HS3ST4: variants seen among roughly 807,000 people sequenced by gnomAD.
HS3ST4 encodes the protein heparan sulfate-glucosamine 3-sulfotransferase 4.
In HS3ST4, 17 loss-of-function variants were observed where a neutral mutation model predicts 29.2. The ratio of observed to expected loss-of-function variants is 0.58; its 90% confidence interval spans 0.40 to 0.87. The LOEUF (loss-of-function observed/expected upper bound fraction) is 0.87. HS3ST4 is among the 40% of genes least tolerant of loss of function. The pLI is 0.00. For synonymous variants in HS3ST4, 314 were observed against 285.7 expected, an observed-to-expected ratio of 1.10 and a Z score of -1.00; for missense variants, 627 against 634.5, an observed-to-expected ratio of 0.99 and a Z score of 0.13.
chr16:25,919,938 A>G (rs778436439), intron 1 of HS3ST4, among the ~76,000 whole-genome samples: 2 of 151,748 alleles, frequency 1.3e-5, no homozygotes, highest in East Asian at 1.9e-4. Flanking sequence ...ACAGGGGGCC[A>G]GAGAAAAACA....
At chr16:25,817,946 A>C (rs1259786427) in intron 1 of HS3ST4, among the ~76,000 whole-genome samples, 1 of 152,192 alleles carries the variant, frequency 6.6e-6, no homozygotes, top group Non-Finnish European at 1.5e-5. Context: ...GGAAGGCAGG[A>C]ATTAGTGTGT....
At chr16:25,875,705 G>C (rs1967823940) in intron 1 of HS3ST4, among the ~76,000 whole-genome samples, 1 of 152,074 alleles carries the variant, frequency 6.6e-6, no homozygotes, top group Non-Finnish European at 1.5e-5. Context: ...GTCCAGAAGT[G>C]GGAATTTCCA....
intron 1 of HS3ST4, among the ~76,000 whole-genome samples, chr16:25,886,286 G>A (rs1967951372): frequency 6.6e-6 from 1 of 152,074 alleles, no homozygotes; most frequent in South Asian, 2.1e-4. Context: ...GCCTGCCTCG[G>A]CCTCCCAAAG....
chr16:25,958,329 G>C (rs1204910160), intron 1 of HS3ST4, among the ~76,000 whole-genome samples: 1 of 152,028 alleles, frequency 6.6e-6, no homozygotes, highest in Non-Finnish European at 1.5e-5. Context: ...AAGTTAGGAA[G>C]ACTTTTTTCT....
intron 1 of HS3ST4, among the ~76,000 whole-genome samples, chr16:25,756,011 A>C (rs1308791021): frequency 6.6e-6 from 1 of 152,138 alleles, no homozygotes; most frequent in East Asian, 1.9e-4. Context: ...TAAAAGAGAA[A>C]CTACATTTTT....
At chr16:25,873,324 T>TCCA (rs1390499399) in intron 1 of HS3ST4, among the ~76,000 whole-genome samples, 2,803 of 50,114 alleles carry the variant, frequency 0.056, 31 homozygotes, top group Middle Eastern at 0.095. Context: ...CCATCCATCC[T>TCCA]TCCTTCCTTC....
chr16:25,855,177 A>T (rs1596591946), intron 1 of HS3ST4, among the ~76,000 whole-genome samples: 1 of 152,198 alleles, frequency 6.6e-6, no homozygotes, highest in South Asian at 2.1e-4. Context: ...GTTGGTTGAA[A>T]GAGTTAAGCT....
intron 1 of HS3ST4, among the ~76,000 whole-genome samples, chr16:25,873,918 C>T (rs916672486): frequency 6.6e-6 from 1 of 152,140 alleles, no homozygotes; most frequent in African/African-American, 2.4e-5. Context: ...TCTTTAAAAG[C>T]CAGGTTTGAC....
intron 1 of HS3ST4, among the ~76,000 whole-genome samples, chr16:25,818,915 A>G (rs545685608): frequency 5.3e-5 from 8 of 152,284 alleles, no homozygotes; most frequent in Non-Finnish European, 4.4e-5. Flanking sequence ...GCTAGAGCTC[A>G]AACTGTGAAA....
At chr16:26,048,845 A>G (rs545422087) in intron 1 of HS3ST4, among the ~76,000 whole-genome samples, 8 of 152,220 alleles carry the variant, frequency 5.3e-5, no homozygotes, top group East Asian at 1.9e-4. Flanking sequence ...AAGTAAAAAA[A>G]TAACATTGAA....
chr16:25,890,760 T>C (rs1404645976), intron 1 of HS3ST4, among the ~76,000 whole-genome samples: 4 of 152,230 alleles, frequency 2.6e-5, no homozygotes, highest in African/African-American at 9.6e-5. Flanking sequence ...ATAGGGTCAA[T>C]ATTGTTAAAT....
At chr16:25,974,481 T>C (rs1408705851) in intron 1 of HS3ST4, among the ~76,000 whole-genome samples, 1 of 152,134 alleles carries the variant, frequency 6.6e-6, no homozygotes. Context: ...AAAGAGGTCC[T>C]TTAATCTGGA....
intron 1 of HS3ST4, among the ~76,000 whole-genome samples, chr16:25,799,744 T>A (rs145776600): frequency 4.5e-4 from 69 of 152,280 alleles, no homozygotes; most frequent in African/African-American, 1.6e-3. Flanking sequence ...AAGTGAATTA[T>A]TTTTTATAAA....
At chr16:25,994,474 T>A (rs1567289687) in intron 1 of HS3ST4, among the ~76,000 whole-genome samples, 1 of 152,208 alleles carries the variant, frequency 6.6e-6, no homozygotes, top group Non-Finnish European at 1.5e-5. Context: ...ATACTGTTTA[T>A]TTATGAGTCA....
intron 1 of HS3ST4, among the ~76,000 whole-genome samples, chr16:26,112,266 GT>G (rs1899142336): frequency 6.6e-6 from 1 of 151,556 alleles, no homozygotes; most frequent in African/African-American, 2.4e-5. Flanking sequence ...GTGTGTGTGT[GT>G]GTGTGTGTGG....
At chr16:25,708,510 C>T (rs1966391563) in intron 1 of HS3ST4, among the ~76,000 whole-genome samples, 1 of 152,064 alleles carries the variant, frequency 6.6e-6, no homozygotes, top group African/African-American at 2.4e-5. Flanking sequence ...ATTCTTATGA[C>T]TATCTAAATA....
intron 1 of HS3ST4, among the ~76,000 whole-genome samples, chr16:25,998,796 G>A (rs1163965783): frequency 1.3e-5 from 2 of 151,992 alleles, no homozygotes; most frequent in African/African-American, 4.8e-5. Context: ...TGCATTTGAT[G>A]AATTCATAGT....
At chr16:25,929,613 A>T (rs1273167595) in intron 1 of HS3ST4, among the ~76,000 whole-genome samples, 2 of 152,046 alleles carry the variant, frequency 1.3e-5, no homozygotes, top group Non-Finnish European at 2.9e-5. Flanking sequence ...CTCTAAGGTG[A>T]TTTGGGCTCT....
rs114516474 is a variant in HS3ST4, at chr16:25,872,393, T to C, written c.734+179242T>C. On this transcript the variant is annotated intron_variant, in intron 1 of 1. Transcript: ENST00000331351. ...GTGGCTTATAATGATAACCATTTTATAATTTTGCATGATTCTGTGCTGGTT... is the reference window on the plus strand; with the variant it reads ...GTGGCTTATAATGATAACCATTTTACAATTTTGCATGATTCTGTGCTGGTT... Among the ~76,000 whole-genome samples the C allele has an allele frequency of 5.8e-3, 887 of 152,336 alleles. 15 individuals are homozygous for C. The highest frequency in any genetic ancestry group is 0.021 in the African/African-American group (860 of 41,568).
Sources: gnomAD v4.1 joint callset for allele counts (sites outside exome capture counted in the v4.1 genomes callset) on GRCh38, gnomAD v4.1.1 for gene constraint, MANE v1.5 for transcripts, NCBI Gene and HGNC (gene_info 2026-07-23, HGNC 2026-07-21) for gene names.